The following CCDC192 variants were observed in gnomAD, a reference collection of about 807,000 sequenced individuals.
CCDC192 encodes coiled-coil domain containing 192.
At position 127,757,587 on chromosome 5, in the gene CCDC192, T is replaced by A. The variant is rs77036616; in HGVS notation, c.222+3212T>A. On this transcript the variant is annotated intron_variant, in intron 3 of 6. Transcript: ENST00000514853. ...TAAGTCAACATTAAAAACATATGGA[T>A]GAGAGGATAGGGAAAGGGGAGAAAC... Among the ~76,000 whole-genome samples, 1,112 of 151,950 alleles carry A rather than the reference T, an allele frequency of 7.3e-3. 7 individuals are homozygous for A. Among genetic ancestry groups the A allele is most frequent in the Non-Finnish European group, 0.01 (704 of 67,972 alleles).
At chr5:127,758,047 G>A (rs116571567) in intron 3 of CCDC192, among the ~76,000 whole-genome samples, 91 of 152,098 alleles carry the variant, frequency 6.0e-4, no homozygotes, top group African/African-American at 2.2e-3. Flanking sequence ...CTGGAATGAA[G>A]CAGTGGAAGC....
intron 6 of CCDC192, among the ~76,000 whole-genome samples, chr5:127,914,980 T>A (rs2681507): frequency 6.6e-6 from 1 of 152,186 alleles, no homozygotes; most frequent in Admixed American, 6.5e-5. Flanking sequence ...ATAGGACTTA[T>A]GTGTCATTCA....
chr5:127,790,717 T>A (rs1756821428), intron 3 of CCDC192, among the ~76,000 whole-genome samples: 1 of 152,240 alleles, frequency 6.6e-6, no homozygotes. Flanking sequence ...GCATTCTGCC[T>A]AAATTCACAT....
intron 6 of CCDC192, among the ~76,000 whole-genome samples, chr5:127,907,808 C>G (rs1520247): frequency 0.72 from 109,765 of 151,942 alleles, 40,278 homozygotes; most frequent in African/African-American, 0.87. Flanking sequence ...TCTCTCAAAA[C>G]AAAACCTACA....
At chr5:127,748,058 G>C (rs1469642777) in intron 2 of CCDC192, among the ~76,000 whole-genome samples, 1 of 130,572 alleles carries the variant, frequency 7.7e-6, no homozygotes, top group Admixed American at 8.0e-5. Context: ...TCTGTAGGTT[G>C]CCTGTTCACT....
chr5:127,842,273 A>G (rs1016644175), intron 5 of CCDC192, among the ~76,000 whole-genome samples: 19 of 152,236 alleles, frequency 1.2e-4, no homozygotes, highest in Non-Finnish European at 2.4e-4. Flanking sequence ...GGAGTACAGC[A>G]GTACTATCAT....
At chr5:127,861,054 C>T (rs1751339686) in intron 5 of CCDC192, among the ~76,000 whole-genome samples, 4 of 151,912 alleles carry the variant, frequency 2.6e-5, no homozygotes. Flanking sequence ...TGCTGCCCAG[C>T]CTGGAATGCA....
At chr5:127,787,139 A>G (rs1394112253) in intron 3 of CCDC192, 2 of 226,698 alleles carry the variant, frequency 8.8e-6, no homozygotes, top group African/African-American at 4.6e-5. Flanking sequence ...TTCCAAATTT[A>G]TTCACAGCAG....
At chr5:127,763,975 C>T (rs1263142792) in intron 3 of CCDC192, among the ~76,000 whole-genome samples, 1 of 152,174 alleles carries the variant, frequency 6.6e-6, no homozygotes, top group Non-Finnish European at 1.5e-5. Flanking sequence ...TAGGTGCTTT[C>T]ATAATCTCTC....
chr5:127,736,467 T>A (rs556147070), intron 2 of CCDC192, among the ~76,000 whole-genome samples: 2 of 152,120 alleles, frequency 1.3e-5, no homozygotes, highest in Non-Finnish European at 2.9e-5. Flanking sequence ...GAGGATTCCC[T>A]CTTTTTCTAT....
chr5:127,857,941 C>G (rs1390329071), intron 5 of CCDC192: 2 of 152,514 alleles, frequency 1.3e-5, no homozygotes, highest in Non-Finnish European at 2.9e-5. Flanking sequence ...AGTGTTTGAC[C>G]AAACAACTGG....
At chr5:127,728,155 C>A (rs1481495971) in intron 2 of CCDC192, among the ~76,000 whole-genome samples, 1 of 152,178 alleles carries the variant, frequency 6.6e-6, no homozygotes, top group African/African-American at 2.4e-5. Context: ...CCCAACCTAG[C>A]ATGACACACC....
intron 6 of CCDC192, among the ~76,000 whole-genome samples, chr5:127,931,800 A>G (rs1286757674): frequency 6.6e-6 from 1 of 152,166 alleles, no homozygotes; most frequent in East Asian, 1.9e-4. Flanking sequence ...AGAAATCTAA[A>G]TCCTAGATTG....
intron 3 of CCDC192, among the ~76,000 whole-genome samples, chr5:127,789,512 T>A (rs1394453231): frequency 6.6e-6 from 1 of 152,210 alleles, no homozygotes; most frequent in African/African-American, 2.4e-5. Context: ...AAGATAGAAT[T>A]TGTGAGTGAT....
At chr5:127,808,890 A>G (rs1002987896) in intron 5 of CCDC192, among the ~76,000 whole-genome samples, 2 of 152,192 alleles carry the variant, frequency 1.3e-5, no homozygotes, top group Non-Finnish European at 2.9e-5. Flanking sequence ...AGTAAGTGAG[A>G]GAATGTATAA....
intron 2 of CCDC192, among the ~76,000 whole-genome samples, chr5:127,718,426 T>G (rs1288630677): frequency 2.0e-5 from 3 of 152,224 alleles, no homozygotes; most frequent in African/African-American, 7.2e-5. Flanking sequence ...TTTCTCCATT[T>G]GGCTCCTTCA....
At chr5:127,939,693 T>G (rs988219812) in intron 6 of CCDC192, among the ~76,000 whole-genome samples, 5 of 151,594 alleles carry the variant, frequency 3.3e-5, no homozygotes, top group African/African-American at 1.2e-4. Flanking sequence ...TTATGTTTTT[T>G]TTTTTTTTTG....
At chr5:127,714,661 C>T (rs534707545) in intron 2 of CCDC192, among the ~76,000 whole-genome samples, 65 of 152,296 alleles carry the variant, frequency 4.3e-4, no homozygotes, top group African/African-American at 1.5e-3. Flanking sequence ...TGAGCCACTA[C>T]GCCTGGCCAG....
chr5:127,795,247 G>A (rs1263045817), intron 3 of CCDC192, among the ~76,000 whole-genome samples: 3 of 140,302 alleles, frequency 2.1e-5, no homozygotes, highest in Non-Finnish European at 4.5e-5. Context: ...CAGCGATTGC[G>A]CCATTGCATT....
Sources: allele counts gnomAD v4.1 joint callset (sites outside exome capture counted in the v4.1 genomes callset), GRCh38; gene constraint gnomAD v4.1.1; transcripts MANE v1.5; gene names NCBI Gene and HGNC (gene_info 2026-07-23, HGNC 2026-07-21).